AKT3: variants seen among roughly 807,000 people sequenced by gnomAD.
AKT3 encodes the protein RAC-gamma serine/threonine-protein kinase.
Under a neutral mutation model 65.3 loss-of-function variants are expected in AKT3, and 15 were observed. That is an observed-to-expected ratio of 0.23 (90% confidence interval 0.15 to 0.35). The LOEUF is 0.35. Among genes scored for constraint, AKT3 ranks in the 10% least tolerant of loss-of-function variants. The pLI is 1.00. For synonymous variants in AKT3, 206 were observed against 183.8 expected (o/e 1.12, Z -0.98); for missense variants, 243 against 576.5 (o/e 0.42, Z 5.92).
chr1:243,579,224 G>C (rs765731683), intron 8 of AKT3, among the ~76,000 whole-genome samples: 1 of 152,164 alleles, frequency 6.6e-6, no homozygotes, highest in South Asian at 2.1e-4. Flanking sequence ...TATCTAAATA[G>C]GCATTTGATA....
intron 12 of AKT3, among the ~76,000 whole-genome samples, chr1:243,525,432 G>T (rs573236404): frequency 6.6e-6 from 1 of 151,916 alleles, no homozygotes; most frequent in East Asian, 2.0e-4. Context: ...ATGCTCTGAT[G>T]ATCTCATGTT....
At chr1:243,847,178 TTAAAAA>T (rs1346497741) in intron 1 of AKT3, among the ~76,000 whole-genome samples, 2 of 152,190 alleles carry the variant, frequency 1.3e-5, no homozygotes, top group Non-Finnish European at 1.5e-5. Context: ...GCATATTAAC[TTAAAAA>T]TAAAAATGCC....
chr1:243,626,303 C>T (rs963454365), intron 6 of AKT3, among the ~76,000 whole-genome samples: 23 of 152,064 alleles, frequency 1.5e-4, no homozygotes, highest in African/African-American at 5.3e-4. Flanking sequence ...AAGTTTTAAA[C>T]GGTTACTAAG....
At chr1:243,629,390 T>C (rs1014944430) in intron 6 of AKT3, among the ~76,000 whole-genome samples, 3 of 152,222 alleles carry the variant, frequency 2.0e-5, no homozygotes, top group Admixed American at 6.5e-5. Flanking sequence ...GACATGTTGA[T>C]GGTCATCAAA....
intron 5 of AKT3, among the ~76,000 whole-genome samples, chr1:243,640,391 G>C (rs1680284221): frequency 6.6e-6 from 1 of 152,132 alleles, no homozygotes; most frequent in South Asian, 2.1e-4. Flanking sequence ...TGAAGGGGTG[G>C]AGTCAACTTT....
intron 2 of AKT3, among the ~76,000 whole-genome samples, chr1:243,727,252 C>T (rs1687265328): frequency 6.6e-6 from 1 of 152,132 alleles, no homozygotes; most frequent in Admixed American, 6.5e-5. Context: ...CTAGGTTCAA[C>T]CTTCATAAAT....
intron 2 of AKT3, among the ~76,000 whole-genome samples, chr1:243,710,098 TA>T (rs1438701270): frequency 1.3e-5 from 2 of 152,158 alleles, no homozygotes; most frequent in Non-Finnish European, 2.9e-5. Context: ...CCAATATTTT[TA>T]AAAATTGCTA....
chr1:243,735,518 T>A (rs1266315463), intron 2 of AKT3: 1 of 152,224 alleles, frequency 6.6e-6, no homozygotes, highest in Non-Finnish European at 1.5e-5. Context: ...AAGCAATTTG[T>A]AACATTACTT....
intron 12 of AKT3, among the ~76,000 whole-genome samples, chr1:243,525,448 T>C (rs898251534): frequency 3.3e-5 from 5 of 151,792 alleles, no homozygotes; most frequent in Non-Finnish European, 5.9e-5. Context: ...ATGTTGAAAT[T>C]AGTAGACAAA....
intron 8 of AKT3, among the ~76,000 whole-genome samples, chr1:243,611,145 A>C (rs1009499945): frequency 2.6e-5 from 4 of 152,200 alleles, no homozygotes; most frequent in Admixed American, 1.3e-4. Context: ...CTTAAATTAT[A>C]ATCTTTATGG....
At chr1:243,725,599 G>T (rs1231983729) in intron 2 of AKT3, among the ~76,000 whole-genome samples, 1 of 152,086 alleles carries the variant, frequency 6.6e-6, no homozygotes. Flanking sequence ...AGGGTCGGGG[G>T]CATAACCACA....
chr1:243,654,520 T>C, intron 4 of AKT3, among the ~76,000 whole-genome samples: 1 of 152,162 alleles, frequency 6.6e-6, no homozygotes, highest in East Asian at 1.9e-4. Flanking sequence ...GATCTCACTA[T>C]GTTGCCCAGG....
chr1:243,833,077 T>G (rs1202395916), intron 2 of AKT3, among the ~76,000 whole-genome samples: 1 of 151,966 alleles, frequency 6.6e-6, no homozygotes. Context: ...CTGGCCAACA[T>G]GGTGAAACCC....
intron 6 of AKT3, among the ~76,000 whole-genome samples, chr1:243,623,280 C>T (rs1175497997): frequency 2.6e-5 from 4 of 152,200 alleles, no homozygotes; most frequent in Non-Finnish European, 5.9e-5. Context: ...ACCCTGGACA[C>T]CAAGGCTCAG....
intron 4 of AKT3, among the ~76,000 whole-genome samples, chr1:243,662,383 A>G (rs568788198): frequency 6.6e-6 from 1 of 152,290 alleles, no homozygotes; most frequent in East Asian, 1.9e-4. Context: ...GCCATAAAAA[A>G]TGATGAGTTC....
Position 243,664,268 on chromosome 1 carries a change from C to G in AKT3, c.284+504G>C, listed in dbSNP as rs112391543. Among the ~76,000 whole-genome samples, 1,157 of 134,056 alleles carry G rather than the reference C, an allele frequency of 8.6e-3. 22 individuals are homozygous for G. The highest frequency in any genetic ancestry group is 0.03 in the African/African-American group (1,078 of 36,454). 87.9% of individuals were successfully genotyped at this position (134,056 alleles called of 152,430 possible). The stretch of plus-strand genomic sequence containing the variant: ...CTGGAGTGCAGTGGCGCAATCTCGG[C>G]TCACTGCAAGCTCCACCTCCTGGGT... On this transcript the variant is annotated intron_variant, in intron 4 of 13. Transcript: ENST00000673466.
rs1669424776 is a variant in AKT3 at position 243,503,109 on chromosome 1, AAAG to A, written c.*2137_*2139del. 1 of 233,624 alleles carries A rather than the reference AAAG, an allele frequency of 4.3e-6. No individual in the cohort carries two copies. Among genetic ancestry groups the A allele is most frequent in the Non-Finnish European group, 8.5e-6 (1 of 118,062 alleles). The allele number at this position is 233,624 out of a possible 1,614,324, so 14.5% of individuals were successfully genotyped here. ...TCAACATAATTCCAAGTGAAAAAAA[AAAG>A]ATTAGCTATGTGTGTAAGTAAGAAT... On this transcript the variant is annotated 3_prime_UTR_variant, in exon 14 of 14. Transcript: ENST00000673466.
chr1:243,774,268 T>C (rs1690401579), intron 2 of AKT3, among the ~76,000 whole-genome samples: 1 of 152,226 alleles, frequency 6.6e-6, no homozygotes, highest in Admixed American at 6.5e-5. Flanking sequence ...ACTTTTCCCT[T>C]TTCCACATAG....
At position 243,512,316 on chromosome 1, in the gene AKT3, T is replaced by A. The variant is rs1028668737; in HGVS notation, c.1354+8A>T. ...GAAATTTATCAATTGCCTTCTAAAT[T>A]TACTTACATTTTTCAGGTGGTGTTA... On this transcript the variant is annotated splice_region_variant and intron_variant, in intron 13 of 13. Coordinates refer to ENST00000673466, the MANE Select transcript of AKT3 (RefSeq NM_005465.7). 7.1e-7 allele frequency: 1 copy of A among 1,405,818 alleles called. No homozygotes were observed. The highest frequency in any genetic ancestry group is 2.3e-5 in the Admixed American group (1 of 44,260). The allele number at this position is 1,405,818 out of a possible 1,614,324, so 87.1% of individuals were successfully genotyped here.
Sources: allele counts gnomAD v4.1 joint callset (sites outside exome capture counted in the v4.1 genomes callset), GRCh38; gene constraint gnomAD v4.1.1; transcripts MANE v1.5; gene names NCBI Gene and HGNC (gene_info 2026-07-23, HGNC 2026-07-21).